Variants in SLC26A6 observed in about 807,000 individuals in gnomAD.
The protein encoded by SLC26A6 is solute carrier family 26 member 6.
A neutral mutation model predicts 87.1 loss-of-function variants in SLC26A6; 67 were observed. That is an observed-to-expected ratio of 0.77 (90% CI 0.63 to 0.94). The LOEUF is 0.94. SLC26A6 is among the 40% of genes least tolerant of loss of function. SLC26A6 has a pLI of 0.00. For synonymous variants in SLC26A6, 414 were observed against 405.9 expected (o/e 1.02, Z -0.24); for missense variants, 902 against 973.0 (o/e 0.93, Z 0.97).
Position 48,628,310 on chromosome 3 carries a change from A to G in SLC26A6, c.1800+124T>C. ...AGGGGAGTGAAGCAGGGTCCCTGGG[A>G]GCATGAGGGAGAAAGGGGAAGGGAT... On this transcript the variant is annotated intron_variant, in intron 16 of 20. Transcript: ENST00000395550. The surrounding 1 kb of genome is among the most constrained non-coding windows in gnomAD (Gnocchi z 4.4). 2 of 1,314,738 alleles carry G rather than the reference A, an allele frequency of 1.5e-6. No individual in the cohort carries two copies. The highest frequency in any genetic ancestry group is 1.5e-5 in the African/African-American group (1 of 67,686). 81.4% of individuals were successfully genotyped at this position (1,314,738 alleles called of 1,614,324 possible).
chr3:48,629,030 C>T (rs549305659), intron 14 of SLC26A6, among the ~76,000 whole-genome samples: 1 of 152,324 alleles, frequency 6.6e-6, no homozygotes, highest in African/African-American at 2.4e-5. Flanking sequence ...TCCTCCTAGG[C>T]TGTCATATCA....
chr3:48,633,689 C>G, intron 1 of SLC26A6, 54 bp from the exon 2 acceptor site: 1 of 1,596,416 alleles, frequency 6.3e-7, no homozygotes, highest in Non-Finnish European at 8.5e-7. Flanking sequence ...CCCAACCTCC[C>G]CTACACCTCC....
At chr3:48,630,819 C>A in intron 9 of SLC26A6, 99 bp from the exon 10 acceptor site, 1 of 1,498,748 alleles carries the variant, frequency 6.7e-7, no homozygotes. Context: ...CCATCCCCAC[C>A]AAGTGGCCCC....
intron 19 of SLC26A6, 52 bp from the exon 20 acceptor site, chr3:48,626,406 A>C: frequency 6.2e-7 from 1 of 1,611,348 alleles, no homozygotes; most frequent in Non-Finnish European, 8.5e-7. Context: ...TAGGAACTCA[A>C]CTCCCGGGAG....
chr3:48,628,282 G>T lies in SLC26A6; in HGVS notation c.1800+152C>A. The stretch of plus-strand genomic sequence containing the variant: ...AAAATGCTGCCTAGAGCCCGGACCT[G>T]CTAGGGGAGTGAAGCAGGGTCCCTG... On this transcript the variant is annotated intron_variant, in intron 16 of 20. Coordinates refer to ENST00000395550, the MANE Select transcript of SLC26A6 (RefSeq NM_022911.3). This position sits in a 1 kb window ranked among gnomAD's most constrained non-coding sequence, Gnocchi z 4.4. 1.9e-6 allele frequency: 2 copies of T among 1,048,602 alleles called. No homozygotes were observed. Among genetic ancestry groups the T allele is most frequent in the Non-Finnish European group, 2.8e-6 (2 of 719,700 alleles). The allele number at this position is 1,048,602 out of a possible 1,614,324, so 65.0% of individuals were successfully genotyped here. A position where few individuals can be genotyped will look rare whatever the true frequency, so the allele number is the denominator to read the frequency against.
At chr3:48,627,701 G>GGGGAA in intron 17 of SLC26A6, 2 of 392,248 alleles carry the variant, frequency 5.1e-6, no homozygotes, top group South Asian at 8.6e-5. Flanking sequence ...GCAGACTCTG[G>GGGGAA]GGGAAGTCTT....
intron 1 of SLC26A6, 65 bp downstream of exon 1, chr3:48,635,306 A>G: frequency 7.3e-7 from 1 of 1,373,770 alleles, no homozygotes; most frequent in South Asian, 1.3e-5. Context: ...AGGCGTCGCA[A>G]GCGGAGAATG....
At chr3:48,630,211 C>A in intron 11 of SLC26A6, 54 bp from the exon 12 acceptor site, 2 of 1,581,254 alleles carry the variant, frequency 1.3e-6, no homozygotes, top group Non-Finnish European at 1.7e-6. Context: ...ATGCTGACAA[C>A]CCTCCTCACC....
chr3:48,625,845 C>A lies in SLC26A6; in HGVS notation c.*141G>T. On this transcript the variant is annotated 3_prime_UTR_variant, in exon 21 of 21. Transcript: ENST00000395550. This position sits in a 1 kb window ranked among gnomAD's most constrained non-coding sequence, Gnocchi z 4.7. ...AGACCTGGAGCGCTGAACTTGGAGT[C>A]CCAGGACCTCCTTCCCTGAGTTGTG... The A allele has an allele frequency of 8.9e-7, 1 of 1,122,740 alleles. No homozygotes were observed. The highest frequency in any genetic ancestry group is 2.6e-4 in the Middle Eastern group (1 of 3,820). 69.5% of individuals were successfully genotyped at this position (1,122,740 alleles called of 1,614,324 possible). A position where few individuals can be genotyped will look rare whatever the true frequency, so the allele number is the denominator to read the frequency against.
rs546154621 is a variant in SLC26A6 at position 48,627,994 on chromosome 3, G to A, written c.1845C>T (p.Thr615=). ...TGTTGCTCCTCATGTCTTCAAGGCT[G>A]GTGTTGACATTAATGGAAACTGAGG... ...KGASVSINVN[T]SLEDMRSNNV... The change falls in exon 17 of 21, where the codon ACC becomes ACT. Residue 615 remains threonine, a synonymous_variant. Transcript: ENST00000395550. 19 of 1,593,492 alleles carry A rather than the reference G, an allele frequency of 1.2e-5. 1 individual carries two copies. The South Asian group carries it at 2.1e-4, about 17-fold the overall frequency.
chr3:48,628,554 A>G lies in SLC26A6; in HGVS notation c.1693-13T>C, dbSNP rs2046690713. 17 of 1,613,954 alleles carry G rather than the reference A, an allele frequency of 1.1e-5. No individual in the cohort carries two copies. Among genetic ancestry groups the G allele is most frequent in the Non-Finnish European group, 1.2e-5 (14 of 1,179,990 alleles). On this transcript the variant is annotated splice_polypyrimidine_tract_variant and intron_variant, in intron 15 of 20. Transcript: ENST00000395550. This position sits in a 1 kb window ranked among gnomAD's most constrained non-coding sequence, Gnocchi z 4.4. ...CATCCACACCACACTGGAGGCAAAC[A>G]TCAGAGAAGGGTTGGTGAGCTCTCT...
chr3:48,634,766 GGA>G (rs2046907677), intron 1 of SLC26A6: 1 of 985,232 alleles, frequency 1.0e-6, no homozygotes, highest in African/African-American at 1.7e-5. Context: ...TACTGTTGGA[GGA>G]GTGTGGAGTG....
rs2106676508 is a variant in SLC26A6 at position 48,633,735 on chromosome 3, A to G, written c.24-100T>C. The G allele has an allele frequency of 2.0e-6, 3 of 1,538,296 alleles. No individual in the cohort carries two copies. In the East Asian group the frequency reaches 6.8e-5, roughly 35 times the overall value. ...AGAGAGTTACCTACCTGATTTTTCC[A>G]GGCCCTAAGATCAAGGTACAGTATT... On this transcript the variant is annotated intron_variant, in intron 1 of 20. Transcript: ENST00000395550.
Position 48,633,490 on chromosome 3 carries a change from G to T in SLC26A6, c.169C>A (p.Arg57=). The change falls in exon 2 of 21, where the codon CGG becomes AGG. Residue 57 remains arginine, a synonymous_variant. Coordinates refer to ENST00000395550, the MANE Select transcript of SLC26A6 (RefSeq NM_022911.3). ...WGSAPRTHQW[R]TWLQCSRARA... ...TCTTGGCCTTACTGCAACCAGGTCC[G>T]CCACTGGTGGGTCCTAGGTGCTGAG... 1 of 1,613,100 alleles carries T rather than the reference G, an allele frequency of 6.2e-7. No homozygotes were observed. The highest frequency in any genetic ancestry group is 8.5e-7 in the Non-Finnish European group (1 of 1,179,952).
chr3:48,626,454 A>AC, intron 19 of SLC26A6, 100 bp from the exon 20 acceptor site: 1 of 1,566,730 alleles, frequency 6.4e-7, no homozygotes, highest in Non-Finnish European at 8.7e-7. Flanking sequence ...CCTGACCTCC[A>AC]CCCCTGAGGC....
At chr3:48,631,163 C>G in intron 8 of SLC26A6, 23 bp from the exon 9 acceptor site, 1 of 1,613,500 alleles carries the variant, frequency 6.2e-7, no homozygotes. Context: ...TCTGTGAGGC[C>G]AAAGCAAGGT....
At chr3:48,629,197 T>C (rs978309234) in intron 14 of SLC26A6, among the ~76,000 whole-genome samples, 2 of 152,024 alleles carry the variant, frequency 1.3e-5, no homozygotes, top group South Asian at 4.1e-4. Context: ...TGTGCCCATG[T>C]TGCAGGCAAC....
Position 48,633,651 on chromosome 3 carries a change from C to T in SLC26A6, c.24-16G>A. On this transcript the variant is annotated splice_polypyrimidine_tract_variant and intron_variant, in intron 1 of 20. Coordinates refer to ENST00000395550, the MANE Select transcript of SLC26A6 (RefSeq NM_022911.3). ...GTCCCTCGGTCTGGGGTGGCAAGAC[C>T]AGAGAGACACAGTGAAGGCATCCCT... The T allele has an allele frequency of 1.9e-6, 3 of 1,612,058 alleles. No individual in the cohort carries two copies. Among genetic ancestry groups the T allele is most frequent in the Non-Finnish European group, 2.5e-6 (3 of 1,179,220 alleles).
chr3:48,629,710 G>T lies in SLC26A6; in HGVS notation c.1531C>A (p.Pro511Thr), dbSNP rs1198416017. Residue 511 changes from proline to threonine, a missense_variant and splice_region_variant, in exon 14 of 21, where the codon CCC becomes ACC. Around this residue, in one of 3 missense-constraint regions of SLC26A6, gnomAD observed 800 missense variants for 856.8 expected, o/e 0.93. Transcript: ENST00000395550. ...ACCTGCCCCAGGACAGAGTAGTGGG[G>T]CCTGTGAAGGAGAGAGAGAATGCAC... Reference protein sequence around the residue: ...LLLVVVRTQMPHYSVLGQVPD... With the variant: ...LLLVVVRTQMTHYSVLGQVPD... 4 of 1,613,226 alleles carry T rather than the reference G, an allele frequency of 2.5e-6. No homozygotes were observed. The African/African-American group carries it at 5.3e-5, about 22-fold the overall frequency.
Sources: allele counts gnomAD v4.1 joint callset (sites outside exome capture counted in the v4.1 genomes callset), GRCh38; gene constraint gnomAD v4.1.1; regional missense constraint gnomAD v4.1.1; non-coding constraint Gnocchi (gnomAD v3.1); transcripts MANE v1.5; gene names NCBI Gene and HGNC (gene_info 2026-07-23, HGNC 2026-07-21).